Variants in ZFX observed in about 807,000 individuals in gnomAD.
The protein encoded by ZFX is zinc finger X-chromosomal protein.
For missense variants in ZFX, 362 were observed against 628.3 expected, an observed-to-expected ratio of 0.58 and a Z score of 4.53; for synonymous variants, 196 against 226.8, an observed-to-expected ratio of 0.86 and a Z score of 1.22.
intron 1 of ZFX, chrX:24,150,935 T>C (rs1292512271): frequency 2.7e-5 from 3 of 112,566 alleles, no homozygotes; most frequent in African/African-American, 9.7e-5. Context: ...GAAACAACTT[T>C]CTTGAAAAAC....
At chrX:24,209,176 TA>T in intron 9 of ZFX, 136 bp downstream of exon 9, 6 of 949,804 alleles carry the variant, frequency 6.3e-6, no homozygotes, top group Non-Finnish European at 8.4e-6. Flanking sequence ...AACTTGAAAA[TA>T]TAATTTTCAG....
At chrX:24,150,322 G>A (rs1055432974) in intron 1 of ZFX, among the ~76,000 whole-genome samples, 2 of 107,658 alleles carry the variant, frequency 1.9e-5, no homozygotes, top group Non-Finnish European at 3.9e-5. Context: ...CGTGAGGGGG[G>A]GTGGGAGAGC....
Position 24,208,251 on chromosome X carries a change from A to G in ZFX, c.974A>G (p.Glu325Gly). Residue 325 changes from glutamate (E) to glycine (G), a missense_variant, in exon 8 of 10, where the codon GAA becomes GGA. Glu to Gly is a moderately conservative substitution (Grantham distance 98, BLOSUM62 -2). Coordinates refer to ENST00000304543, the MANE Select transcript of ZFX (RefSeq NM_003410.4). ...GAAATCGCTGACGAAGTTTATATGG[A>G]AGTGATCGTAGGAGAGGAGGATGCT... ...VAEIADEVYM[E>G]VIVGEEDAAA... 1 of 1,211,691 alleles carries G rather than the reference A, an allele frequency of 8.3e-7. No individual in the cohort carries two copies. The highest frequency in any genetic ancestry group is 1.1e-6 in the Non-Finnish European group (1 of 895,490).
chrX:24,185,267 T>G (rs1936015729), intron 5 of ZFX, among the ~76,000 whole-genome samples: 1 of 111,363 alleles, frequency 9.0e-6, no homozygotes, highest in Admixed American at 9.6e-5. Context: ...GCCCGGCCTC[T>G]ACAGCCACTT....
intron 5 of ZFX, among the ~76,000 whole-genome samples, chrX:24,183,671 A>C (rs945421509): frequency 1.8e-5 from 2 of 111,368 alleles, no homozygotes; most frequent in African/African-American, 6.5e-5. Context: ...AATTGTTTTA[A>C]AAAATTGTAT....
chrX:24,210,070 C>T lies in ZFX; in HGVS notation c.1235-123C>T, dbSNP rs141047812. 1,938 of 873,327 alleles carry T rather than the reference C, an allele frequency of 2.2e-3. 25 individuals carry two copies. The African/African-American group carries it at 0.033, about 15-fold the overall frequency. The allele number at this position is 873,327 out of a possible 1,213,427, so 72.0% of individuals were successfully genotyped here. ...GAAAAACAGTAAAAGGAATGTTAAG[C>T]AGCAAATAGTCCAATTTAGGAGTCC... On this transcript the variant is annotated intron_variant, in intron 9 of 9. Transcript: ENST00000304543.
chrX:24,178,709 G>A (rs1312939635), intron 4 of ZFX, among the ~76,000 whole-genome samples: 1 of 110,808 alleles, frequency 9.0e-6, no homozygotes, highest in Non-Finnish European at 1.9e-5. Flanking sequence ...CTCCCAGGAA[G>A]TTGGGATTAT....
rs759269986 is a variant in ZFX, at chrX:24,206,544, TGTGTGTA to T, written c.647-781_647-775del. Among the ~76,000 whole-genome samples, 52 of 97,242 alleles carry T rather than the reference TGTGTGTA, an allele frequency of 5.3e-4. 1 individual carries two copies. The highest frequency in any genetic ancestry group is 1.9e-3 in the African/African-American group (47 of 24,621). The allele number at this position is 97,242 out of a possible 115,157, so 84.4% of individuals were successfully genotyped here. ...GTGTGTGTGTGTGTGTGTGTGTGTG[TGTGTGTA>T]TTTTTTTTTTTTTTGGTAGAGATGG... On this transcript the variant is annotated intron_variant, in intron 5 of 9. Transcript: ENST00000304543.
chrX:24,151,155 A>G (rs1932066414), intron 1 of ZFX, among the ~76,000 whole-genome samples: 1 of 112,149 alleles, frequency 8.9e-6, no homozygotes, highest in Non-Finnish European at 1.9e-5. Flanking sequence ...AACTTTCTTG[A>G]TAAACTCGGA....
At chrX:24,191,392 G>A (rs1471180221) in intron 5 of ZFX, among the ~76,000 whole-genome samples, 1 of 111,564 alleles carries the variant, frequency 9.0e-6, no homozygotes, top group East Asian at 2.8e-4. Flanking sequence ...AAAATAAGGT[G>A]GAATTTTAAC....
intron 5 of ZFX, among the ~76,000 whole-genome samples, chrX:24,185,016 A>G (rs1382699659): frequency 8.9e-6 from 1 of 112,084 alleles, no homozygotes; most frequent in African/African-American, 3.2e-5. Context: ...CAGTGGTGCC[A>G]TCGCGGCTCA....
intron 5 of ZFX, among the ~76,000 whole-genome samples, chrX:24,185,020 C>T (rs59979690): frequency 0.02 from 2,236 of 111,760 alleles, 52 homozygotes; most frequent in African/African-American, 0.069. Flanking sequence ...GGTGCCATCG[C>T]GGCTCACTAC....
intron 3 of ZFX, among the ~76,000 whole-genome samples, chrX:24,156,550 C>T (rs1023798933): frequency 9.0e-5 from 10 of 111,469 alleles, no homozygotes; most frequent in African/African-American, 2.9e-4. Flanking sequence ...AATGCAACTC[C>T]TGAGATATAT....
At chrX:24,164,671 C>T (rs1487398119) in intron 3 of ZFX, among the ~76,000 whole-genome samples, 2 of 111,337 alleles carry the variant, frequency 1.8e-5, no homozygotes, top group Admixed American at 9.6e-5. Context: ...GTGCCTCACA[C>T]CTGTAATCCC....
At chrX:24,157,341 C>T (rs1405638472) in intron 3 of ZFX, among the ~76,000 whole-genome samples, 1 of 111,866 alleles carries the variant, frequency 8.9e-6, no homozygotes, top group Admixed American at 9.5e-5. Flanking sequence ...GCTGAACTCT[C>T]ATCATATTTC....
At chrX:24,172,595 T>G in intron 3 of ZFX, 120 bp from the exon 4 acceptor site, 1 of 474,221 alleles carries the variant, frequency 2.1e-6, no homozygotes, top group Non-Finnish European at 3.3e-6. Flanking sequence ...TAAGTAAGTT[T>G]TTGATACACA....
intron 5 of ZFX, among the ~76,000 whole-genome samples, chrX:24,181,447 G>T (rs917605758): frequency 4.5e-5 from 5 of 111,725 alleles, no homozygotes; most frequent in African/African-American, 1.6e-4. Flanking sequence ...TGAAATCAAG[G>T]ATGAATTCTA....
chrX:24,193,537 T>G (rs1028078967), intron 5 of ZFX, among the ~76,000 whole-genome samples: 4 of 111,958 alleles, frequency 3.6e-5, no homozygotes, highest in African/African-American at 9.8e-5. Context: ...AATCACTTAA[T>G]TGTACACTTT....
chrX:24,176,663 T>C (rs2952103), intron 4 of ZFX, among the ~76,000 whole-genome samples: 48,854 of 108,204 alleles, frequency 0.45, 8,123 homozygotes, highest in South Asian at 0.78. Context: ...AACCCTTGAC[T>C]TCAGGTAATC....
Sources: gnomAD v4.1 joint callset for allele counts (sites outside exome capture counted in the v4.1 genomes callset) on GRCh38, gnomAD v4.1.1 for gene constraint, MANE v1.5 for transcripts, NCBI Gene and HGNC (gene_info 2026-07-23, HGNC 2026-07-21) for gene names.